UBE2F: variants seen among roughly 807,000 people sequenced by gnomAD.
UBE2F encodes the protein NEDD8-conjugating enzyme UBE2F.
A neutral mutation model predicts 29.6 loss-of-function variants in UBE2F; 5 were observed. The ratio of observed to expected loss-of-function variants is 0.17; its 90% confidence interval spans 0.09 to 0.36. UBE2F has a LOEUF of 0.36. Ranked by LOEUF, UBE2F falls within the 10% of genes least tolerant of loss-of-function variation. UBE2F has a pLI of 1.00. For missense variants in UBE2F, 141 were observed against 228.5 expected (o/e 0.62, Z 2.47); for synonymous variants, 66 against 81.8 (o/e 0.81, Z 1.04).
chr2:238,002,819 A>G (rs2063824277), intron 4 of UBE2F, among the ~76,000 whole-genome samples: 1 of 150,994 alleles, frequency 6.6e-6, no homozygotes, highest in Admixed American at 6.6e-5. Flanking sequence ...TTTAGTAGAG[A>G]CAGGGTTTCC....
At chr2:237,973,974 A>G (rs955032074) in intron 2 of UBE2F, among the ~76,000 whole-genome samples, 1 of 152,154 alleles carries the variant, frequency 6.6e-6, no homozygotes, top group Non-Finnish European at 1.5e-5. Flanking sequence ...TTGCTTATTT[A>G]TAATAAAGTT....
Position 238,041,601 on chromosome 2 carries a change from T to G in UBE2F, c.*263T>G. The G allele has an allele frequency of 9.1e-6, 4 of 438,166 alleles. No individual in the cohort carries two copies. The highest frequency in any genetic ancestry group is 1.7e-5 in the Non-Finnish European group (4 of 239,162). 27.1% of individuals were successfully genotyped at this position (438,166 alleles called of 1,614,324 possible). A position where few individuals can be genotyped will look rare whatever the true frequency, so the allele number is the denominator to read the frequency against. On this transcript the variant is annotated 3_prime_UTR_variant, in exon 10 of 10. Coordinates refer to ENST00000272930, the MANE Select transcript of UBE2F (RefSeq NM_080678.3). ...CTTAACATGTTTACTTTTTTGAACTTGTACTGTATAGGCTGTTGGTGAAAT... is the reference window on the plus strand; with the variant it reads ...CTTAACATGTTTACTTTTTTGAACTGGTACTGTATAGGCTGTTGGTGAAAT...
intron 1 of UBE2F, among the ~76,000 whole-genome samples, chr2:237,970,323 T>C (rs971871143): frequency 6.6e-6 from 1 of 152,114 alleles, no homozygotes; most frequent in Non-Finnish European, 1.5e-5. Flanking sequence ...TGCACTGAGC[T>C]CAAGTCACGC....
rs1380333035 is a variant in UBE2F at position 237,967,291 on chromosome 2, C to T, written c.-17+159C>T. Among the ~76,000 whole-genome samples the T allele has an allele frequency of 2.7e-5, 4 of 146,156 alleles. No homozygotes were observed. Among genetic ancestry groups the T allele is most frequent in the Non-Finnish European group, 4.6e-5 (3 of 65,790 alleles). ...CCTGGCGGGCGCGGGCACCCGGACG[C>T]GAGGCCGAGCGGCGTGAATGGGAAG... On this transcript the variant is annotated intron_variant, in intron 1 of 9. Transcript: ENST00000272930. This position sits in a 1 kb window ranked among gnomAD's most constrained non-coding sequence, Gnocchi z 6.3.
chr2:237,967,856 C>G lies in UBE2F; in HGVS notation c.-17+724C>G, dbSNP rs1404241488. Among the ~76,000 whole-genome samples, 2 of 152,146 alleles carry G rather than the reference C, an allele frequency of 1.3e-5. No individual in the cohort carries two copies. The highest frequency in any genetic ancestry group is 3.9e-4 in the East Asian group (2 of 5,174). The stretch of plus-strand genomic sequence containing the variant: ...GGTGTGTCATCTTGGGTGTGGCCTT[C>G]CCCTCCCTGGGCTCAGTTTCCTCAT... On this transcript the variant is annotated intron_variant, in intron 1 of 9. Transcript: ENST00000272930. The surrounding 1 kb of genome is among the most constrained non-coding windows in gnomAD (Gnocchi z 6.3).
At chr2:238,014,240 A>C (rs1281822331) in intron 4 of UBE2F, among the ~76,000 whole-genome samples, 1 of 152,270 alleles carries the variant, frequency 6.6e-6, no homozygotes, top group African/African-American at 2.4e-5. Flanking sequence ...ATTAACAATA[A>C]TAAATAAGCA....
At chr2:237,987,738 A>G (rs2106342570) in intron 2 of UBE2F, among the ~76,000 whole-genome samples, 1 of 152,320 alleles carries the variant, frequency 6.6e-6, no homozygotes, top group African/African-American at 2.4e-5. Flanking sequence ...CATTAAAGTG[A>G]ATATTCAAGG....
intron 4 of UBE2F, among the ~76,000 whole-genome samples, chr2:238,013,467 T>C (rs1484951643): frequency 6.6e-6 from 1 of 151,664 alleles, no homozygotes; most frequent in East Asian, 1.9e-4. Context: ...CAGTTCATTC[T>C]AGTACAGGGG....
At position 237,967,110 on chromosome 2, in the gene UBE2F, C is replaced by A; in HGVS notation, c.-39C>A. The A allele has an allele frequency of 7.5e-7, 1 of 1,340,956 alleles. No individual in the cohort carries two copies. The highest frequency in any genetic ancestry group is 1.7e-5 in the South Asian group (1 of 57,266). 83.1% of individuals were successfully genotyped at this position (1,340,956 alleles called of 1,614,324 possible). On this transcript the variant is annotated 5_prime_UTR_variant, in exon 1 of 10. Coordinates refer to ENST00000272930, the MANE Select transcript of UBE2F (RefSeq NM_080678.3). This position sits in a 1 kb window ranked among gnomAD's most constrained non-coding sequence, Gnocchi z 6.3. ...GCATGGTGTTGGGCGCCGGGCCCGC[C>A]TCGCCTGTCTCGGGGAGCCCAGGTG...
At chr2:238,010,955 C>T (rs1327251603) in intron 4 of UBE2F, among the ~76,000 whole-genome samples, 1 of 152,190 alleles carries the variant, frequency 6.6e-6, no homozygotes, top group African/African-American at 2.4e-5. Context: ...TCCTTCTCTC[C>T]TCCCTCCGTG....
intron 2 of UBE2F, among the ~76,000 whole-genome samples, chr2:237,975,049 G>C (rs1576588370): frequency 6.6e-6 from 1 of 151,918 alleles, no homozygotes; most frequent in African/African-American, 2.4e-5. Context: ...TGGGATTACA[G>C]ACGTGAGCCA....
At chr2:238,020,799 T>G (rs771538665) in intron 5 of UBE2F, among the ~76,000 whole-genome samples, 68 of 152,352 alleles carry the variant, frequency 4.5e-4, no homozygotes, top group Non-Finnish European at 7.5e-4. Flanking sequence ...TGACATTTAG[T>G]GGGCTCCTAC....
At chr2:237,993,228 C>T (rs1292824955) in intron 3 of UBE2F, among the ~76,000 whole-genome samples, 1 of 151,978 alleles carries the variant, frequency 6.6e-6, no homozygotes, top group South Asian at 2.1e-4. Flanking sequence ...CCTCGTGAAC[C>T]GCCTGCCTTG....
rs1007149304 is a variant in UBE2F at position 238,042,491 on chromosome 2, A to G, written c.*1153A>G. ...ATATGCCATCCTCGGCCAGGTTAAT[A>G]TACTGCAGAGGAAAAGCCCTGAAGA... On this transcript the variant is annotated 3_prime_UTR_variant, in exon 10 of 10. Coordinates refer to ENST00000272930, the MANE Select transcript of UBE2F (RefSeq NM_080678.3). The G allele has an allele frequency of 6.6e-6, 1 of 152,258 alleles. No individual in the cohort carries two copies. The highest frequency in any genetic ancestry group is 1.5e-5 in the Non-Finnish European group (1 of 68,062). The allele number at this position is 152,258 out of a possible 1,614,324, so 9.4% of individuals were successfully genotyped here.
At chr2:237,986,603 A>C (rs547921721) in intron 2 of UBE2F, among the ~76,000 whole-genome samples, 4 of 152,318 alleles carry the variant, frequency 2.6e-5, no homozygotes, top group African/African-American at 7.2e-5. Flanking sequence ...TTGTTAAGGA[A>C]CTTATTCCCT....
chr2:237,967,844 G>A lies in UBE2F; in HGVS notation c.-17+712G>A, dbSNP rs1361165988. On this transcript the variant is annotated intron_variant, in intron 1 of 9. Coordinates refer to ENST00000272930, the MANE Select transcript of UBE2F (RefSeq NM_080678.3). This position sits in a 1 kb window ranked among gnomAD's most constrained non-coding sequence, Gnocchi z 6.3. ...CCTAGTTCTGCTGGTGTGTCATCTT[G>A]GGTGTGGCCTTCCCCTCCCTGGGCT... Among the ~76,000 whole-genome samples, 1 of 152,188 alleles carries A rather than the reference G, an allele frequency of 6.6e-6. No homozygotes were observed. Among genetic ancestry groups the A allele is most frequent in the Non-Finnish European group, 1.5e-5 (1 of 68,044 alleles).
At chr2:237,978,361 G>A (rs2063323103) in intron 2 of UBE2F, among the ~76,000 whole-genome samples, 2 of 152,218 alleles carry the variant, frequency 1.3e-5, no homozygotes, top group Non-Finnish European at 2.9e-5. Context: ...TGAGCTTATA[G>A]GAGGCAGGAG....
At chr2:238,012,967 G>A (rs1451373279) in intron 4 of UBE2F, among the ~76,000 whole-genome samples, 2 of 152,212 alleles carry the variant, frequency 1.3e-5, no homozygotes, top group African/African-American at 2.4e-5. Context: ...ATAATACCAT[G>A]CTTTGTCCTT....
intron 2 of UBE2F, among the ~76,000 whole-genome samples, chr2:237,975,105 ATT>A (rs35635589): frequency 7.6e-5 from 11 of 144,454 alleles, no homozygotes; most frequent in African/African-American, 1.8e-4. Flanking sequence ...TTTCTTTAAA[ATT>A]TTTTTTTTTT....
Sources: gnomAD v4.1 joint callset for allele counts (sites outside exome capture counted in the v4.1 genomes callset) on GRCh38, gnomAD v4.1.1 for gene constraint, Gnocchi (gnomAD v3.1) non-coding constraint, MANE v1.5 for transcripts, NCBI Gene and HGNC (gene_info 2026-07-23, HGNC 2026-07-21) for gene names.